Variants in PDE11A observed in about 807,000 individuals in gnomAD.
PDE11A encodes phosphodiesterase 11A.
Under a neutral mutation model 100.5 loss-of-function variants are expected in PDE11A, and 100 were observed. The observed-to-expected ratio is 1.00, with a 90% CI of 0.85 to 1.18. The LOEUF (loss-of-function observed/expected upper bound fraction) is 1.18, where lower values mean the gene tolerates loss of function less well. Among genes scored for constraint, PDE11A ranks in the 50% most tolerant of loss-of-function variants. The pLI, the probability that PDE11A is intolerant of heterozygous loss-of-function variation, is 0.00. For missense variants in PDE11A, 1,141 were observed against 1,152.6 expected (o/e 0.99, Z 0.15); for synonymous variants, 381 against 420.8 (o/e 0.91, Z 1.16).
intron 12 of PDE11A, among the ~76,000 whole-genome samples, chr2:177,723,541 GA>G (rs1470459625): frequency 6.6e-6 from 1 of 152,130 alleles, no homozygotes; most frequent in African/African-American, 2.4e-5. Context: ...AACCCTAGCT[GA>G]ACCTTAGTGT....
chr2:177,863,670 T>C (rs970226406), intron 5 of PDE11A, among the ~76,000 whole-genome samples: 2 of 151,500 alleles, frequency 1.3e-5, no homozygotes, highest in African/African-American at 2.4e-5. Context: ...GGGTGGCTAC[T>C]ATCAAAAAGT....
intron 9 of PDE11A, among the ~76,000 whole-genome samples, chr2:177,794,766 T>A (rs995121905): frequency 4.1e-5 from 3 of 72,498 alleles, no homozygotes; most frequent in Admixed American, 1.1e-4. Flanking sequence ...GGTGTCTGGT[T>A]TTTGTTTGTT....
chr2:177,820,341 C>A, intron 6 of PDE11A, 46 bp from the exon 7 acceptor site: 1 of 1,042,210 alleles, frequency 9.6e-7, no homozygotes, highest in South Asian at 1.3e-5. Context: ...ATTAACTATT[C>A]ATTTTTGATT....
At chr2:177,719,648 A>T (rs570842665) in intron 12 of PDE11A, among the ~76,000 whole-genome samples, 155 of 152,206 alleles carry the variant, frequency 1.0e-3, no homozygotes, top group African/African-American at 3.7e-3. Flanking sequence ...TGATCTATAG[A>T]TGGCTTGAAT....
intron 4 of PDE11A, among the ~76,000 whole-genome samples, chr2:177,878,538 G>A (rs1298250392): frequency 1.3e-5 from 2 of 152,050 alleles, no homozygotes; most frequent in Non-Finnish European, 2.9e-5. Flanking sequence ...CACATAGAGA[G>A]GACATTTTCC....
intron 9 of PDE11A, among the ~76,000 whole-genome samples, chr2:177,770,525 G>A (rs919692463): frequency 6.6e-6 from 1 of 151,310 alleles, no homozygotes; most frequent in Non-Finnish European, 1.5e-5. Context: ...TGAATTATAA[G>A]TGGGAGTGTC....
At chr2:177,942,720 TA>T (rs1274207746) in intron 2 of PDE11A, among the ~76,000 whole-genome samples, 2 of 151,966 alleles carry the variant, frequency 1.3e-5, no homozygotes, top group Non-Finnish European at 2.9e-5. Context: ...TTAATTGTTG[TA>T]AAAAAAACAC....
intron 13 of PDE11A, among the ~76,000 whole-genome samples, chr2:177,704,929 C>G (rs1458351715): frequency 1.3e-5 from 2 of 152,146 alleles, no homozygotes; most frequent in Non-Finnish European, 2.9e-5. Flanking sequence ...CAACCTCCAC[C>G]TCCTGGGTTC....
At chr2:177,671,703 T>G (rs2080685012) in intron 17 of PDE11A, among the ~76,000 whole-genome samples, 1 of 152,088 alleles carries the variant, frequency 6.6e-6, no homozygotes, top group African/African-American at 2.4e-5. Context: ...TTTATTTCCC[T>G]GAGCTCTTAT....
chr2:177,776,496 A>G lies in PDE11A; in HGVS notation c.1738-7123T>C, dbSNP rs115952435. On this transcript the variant is annotated intron_variant, in intron 9 of 19. Coordinates refer to ENST00000286063, the MANE Select transcript of PDE11A (RefSeq NM_016953.4). ...GCTTACCAAATGCCTCAAGTCTGAAATATTTTCAGCAATGCTACTATTATG... is the reference window on the plus strand; with the variant it reads ...GCTTACCAAATGCCTCAAGTCTGAAGTATTTTCAGCAATGCTACTATTATG... Among the ~76,000 whole-genome samples, 330 of 152,314 alleles carry G rather than the reference A, an allele frequency of 2.2e-3. 1 individual carries two copies. Among genetic ancestry groups the G allele is most frequent in the African/African-American group, 7.6e-3 (315 of 41,558 alleles).
chr2:178,029,798 T>C (rs1156399589), intron 1 of PDE11A, among the ~76,000 whole-genome samples: 1 of 152,194 alleles, frequency 6.6e-6, no homozygotes, highest in Non-Finnish European at 1.5e-5. Flanking sequence ...TATTAGGAAG[T>C]GGGACCTTTA....
At chr2:177,640,526 G>A (rs1325571783) in intron 19 of PDE11A, among the ~76,000 whole-genome samples, 2 of 152,170 alleles carry the variant, frequency 1.3e-5, no homozygotes, top group Non-Finnish European at 2.9e-5. Context: ...TCCTGTTCAA[G>A]GTGTATGACT....
intron 2 of PDE11A, among the ~76,000 whole-genome samples, chr2:177,995,652 C>T (rs1477901765): frequency 2.0e-5 from 3 of 149,008 alleles, no homozygotes; most frequent in African/African-American, 7.3e-5. Context: ...CACCACCCAC[C>T]CCGCATCTGC....
chr2:177,685,355 G>A (rs1211353075), intron 15 of PDE11A, among the ~76,000 whole-genome samples: 2 of 152,122 alleles, frequency 1.3e-5, no homozygotes, highest in African/African-American at 4.8e-5. Flanking sequence ...ATTCTAACAT[G>A]AACCAAATGG....
At chr2:178,020,894 TAA>T (rs113112289) in intron 1 of PDE11A, among the ~76,000 whole-genome samples, 34,812 of 151,108 alleles carry the variant, frequency 0.23, 4,162 homozygotes, top group African/African-American at 0.26. Context: ...TTTTTTCTAT[TAA>T]GTCTTTGTTT....
intron 3 of PDE11A, among the ~76,000 whole-genome samples, chr2:177,903,538 G>GTGCCA (rs2084731298): frequency 6.6e-6 from 1 of 152,154 alleles, no homozygotes; most frequent in African/African-American, 2.4e-5. Flanking sequence ...TAAATTAATT[G>GTGCCA]TGCCATACAC....
At chr2:177,816,784 A>G (rs1158676688) in intron 9 of PDE11A, 45 bp downstream of exon 9, 10 of 1,116,938 alleles carry the variant, frequency 9.0e-6, no homozygotes, top group Non-Finnish European at 1.2e-5. Flanking sequence ...CCCTCATAAA[A>G]TTAGAGCTGA....
intron 1 of PDE11A, among the ~76,000 whole-genome samples, chr2:178,059,893 G>A (rs1474713380): frequency 6.6e-6 from 1 of 152,222 alleles, no homozygotes; most frequent in Non-Finnish European, 1.5e-5. Flanking sequence ...GTGACTGGAT[G>A]GGACTGGGGC....
At chr2:178,030,964 C>T (rs1365904118) in intron 1 of PDE11A, among the ~76,000 whole-genome samples, 1 of 151,200 alleles carries the variant, frequency 6.6e-6, no homozygotes, top group Admixed American at 6.6e-5. Context: ...TCAGACAATA[C>T]ATAAAAAAAG....
Sources: gnomAD v4.1 joint callset for allele counts (sites outside exome capture counted in the v4.1 genomes callset) on GRCh38, gnomAD v4.1.1 for gene constraint, MANE v1.5 for transcripts, NCBI Gene and HGNC (gene_info 2026-07-23, HGNC 2026-07-21) for gene names.